CEP152: variants seen among roughly 807,000 people sequenced by gnomAD.
CEP152 encodes centrosomal protein of 152 kDa.
In CEP152, 132 loss-of-function variants were observed where a neutral mutation model predicts 188.9. The observed-to-expected ratio is 0.70, with a 90% CI of 0.61 to 0.81. The LOEUF (loss-of-function observed/expected upper bound fraction) is 0.81. Among genes scored for constraint, CEP152 ranks in the 30% least tolerant of loss-of-function variants. The pLI, the probability that CEP152 is intolerant of heterozygous loss-of-function variation, is 0.00. For missense variants in CEP152, 1,914 were observed against 1,969.8 expected, an observed-to-expected ratio of 0.97 and a Z score of 0.54; for synonymous variants, 649 against 666.6, an observed-to-expected ratio of 0.97 and a Z score of 0.41.
In CEP152 at chr15:48,805,583, C is replaced by T; in HGVS notation, c.67G>A (p.Asp23Asn). The change falls in exon 2 of 27, where the codon GAC (aspartate) becomes AAC (asparagine). Residue 23 changes from aspartate (D) to asparagine (N), a missense_variant. Transcript: ENST00000380950. ...CTTACCTCTTTCTCTCTTTCATAGT[C>T]CTCTTCGTCATACTCTTCATCTTCA... ...QNEDEEYDEE[D>N]YEREKELQQL... is the part of the protein sequence containing the mutation. 1 of 1,591,620 alleles carries T rather than the reference C, an allele frequency of 6.3e-7. No homozygotes were observed. Among genetic ancestry groups the T allele is most frequent in the South Asian group, 1.1e-5 (1 of 90,366 alleles).
rs765361987 is a variant in CEP152, at chr15:48,781,229, T to C, written c.1544A>G (p.Lys515Arg). The stretch of plus-strand genomic sequence containing the variant: ...TTTGGATTTTTTCCAGTTGACCTTT[T>C]TAATACCCAAATCCACATACGATTC... ...LTESYVDLGI[K>R]KVNWKKSKVT... Residue 515 changes from lysine (K) to arginine (R), a missense_variant, in exon 12 of 27, where the codon AAA becomes AGA. Transcript: ENST00000380950. 3.7e-6 allele frequency: 6 copies of C among 1,613,502 alleles called. No homozygotes were observed. Among genetic ancestry groups the C allele is most frequent in the Admixed American group, 1.7e-5 (1 of 59,996 alleles).
At chr15:48,740,956 A>C in intron 26 of CEP152, 6 of 838,204 alleles carry the variant, frequency 7.2e-6, no homozygotes, top group South Asian at 5.5e-5. Context: ...CATATCCCCT[A>C]GGCCCTCTAT....
chr15:48,744,200 A>C (rs773312803), intron 24 of CEP152, 40 bp downstream of exon 24: 34 of 1,608,700 alleles, frequency 2.1e-5, no homozygotes, highest in Non-Finnish European at 2.8e-5. Flanking sequence ...ATAATAAAAA[A>C]GGCCCAAGCC....
intron 9 of CEP152, among the ~76,000 whole-genome samples, chr15:48,786,313 C>T (rs1328728234): frequency 6.6e-6 from 1 of 151,870 alleles, no homozygotes; most frequent in Admixed American, 6.6e-5. Context: ...ATTGGAGGAA[C>T]ACTATGAGCT....
intron 1 of CEP152, chr15:48,810,086 C>G (rs936014729): frequency 2.0e-5 from 3 of 152,190 alleles, no homozygotes; most frequent in African/African-American, 7.2e-5. Context: ...TTCATTGTCA[C>G]GCACTATGAA....
intron 12 of CEP152, chr15:48,773,124 G>A: frequency 6.2e-6 from 1 of 161,642 alleles, no homozygotes; most frequent in Non-Finnish European, 1.4e-5. Flanking sequence ...ACACAAGTCT[G>A]GGTGAATATC....
rs1893628599 is a variant in CEP152, at chr15:48,748,484, T to C, written c.3593A>G (p.His1198Arg). ...KLEKCCRHLQHLERKHKAVVE... is the reference protein window; with the variant it reads ...KLEKCCRHLQRLERKHKAVVE... ...TACAGCTTTGTGCTTCCTTTCTAAA[T>C]GCTGAAGATGCCTACAGCATTTCTC... is the stretch of plus-strand genomic sequence containing the variant. Residue 1198 changes from histidine to arginine, a missense_variant, in exon 22 of 27, where the codon CAT becomes CGT. By Grantham distance (29) the His-to-Arg change is conservative. Coordinates refer to ENST00000380950, the MANE Select transcript of CEP152 (RefSeq NM_001194998.2). 1 of 1,534,790 alleles carries C rather than the reference T, an allele frequency of 6.5e-7. No individual in the cohort carries two copies. The highest frequency in any genetic ancestry group is 2.4e-5 in the East Asian group (1 of 40,874).
At chr15:48,747,037 A>G (rs1893492339) in intron 22 of CEP152, among the ~76,000 whole-genome samples, 1 of 152,180 alleles carries the variant, frequency 6.6e-6, no homozygotes, top group Non-Finnish European at 1.5e-5. Flanking sequence ...CTGGATCAAG[A>G]ACTTTTCAAA....
chr15:48,775,029 G>T (rs1296980421), intron 12 of CEP152, among the ~76,000 whole-genome samples: 1 of 151,774 alleles, frequency 6.6e-6, no homozygotes, highest in Non-Finnish European at 1.5e-5. Flanking sequence ...CACTAGATAG[G>T]CTCAATAGAG....
At chr15:48,731,822 C>G (rs886352484) in intron 2 of CEP152, among the ~76,000 whole-genome samples, 1 of 152,148 alleles carries the variant, frequency 6.6e-6, no homozygotes, top group Non-Finnish European at 1.5e-5. Flanking sequence ...TTACAAGGAA[C>G]TTAAACAACC....
chr15:48,808,972 C>G (rs1383881878), intron 1 of CEP152, among the ~76,000 whole-genome samples: 1 of 152,000 alleles, frequency 6.6e-6, no homozygotes, highest in African/African-American at 2.4e-5. Flanking sequence ...TTTTCTGAAC[C>G]CTTAACAAGA....
At position 48,738,564 on chromosome 15, in the gene CEP152, AACAGATTC is replaced by A; in HGVS notation, c.4810_4817del (p.Glu1604Ter). The A allele has an allele frequency of 6.2e-7, 1 of 1,614,212 alleles. No homozygotes were observed. The highest frequency in any genetic ancestry group is 8.5e-7 in the Non-Finnish European group (1 of 1,180,024). ...CGGATGGTGAAAACTGTTTGGATTT[AACAGATTC>A]ACTTGGTATTTCCAAAGTTCCTTGT... On this transcript the variant is annotated frameshift_variant, in exon 27 of 27. Coordinates refer to ENST00000380950, the MANE Select transcript of CEP152 (RefSeq NM_001194998.2). LOFTEE classifies it low-confidence loss of function (END_TRUNC).
At chr15:48,772,415 A>G in intron 13 of CEP152, 72 bp downstream of exon 13, 6 of 1,371,714 alleles carry the variant, frequency 4.4e-6, no homozygotes, top group Non-Finnish European at 5.1e-6. Context: ...TGTCTCAAAA[A>G]AAAAAAAGTG....
chr15:48,730,533 G>T (rs1892387757), intron 2 of CEP152, among the ~76,000 whole-genome samples: 1 of 152,138 alleles, frequency 6.6e-6, no homozygotes, highest in Admixed American at 6.5e-5. Flanking sequence ...AACTAATGAG[G>T]ATGTGCACAT....
intron 9 of CEP152, among the ~76,000 whole-genome samples, chr15:48,788,351 G>GTT (rs1567019763): frequency 7.3e-6 from 1 of 137,518 alleles, no homozygotes; most frequent in Non-Finnish European, 1.5e-5. Flanking sequence ...TTTTTTTTGG[G>GTT]GAGACGGAGT....
rs1001377732 is a variant in CEP152, at chr15:48,797,883, C to A, written c.191+65G>T. On this transcript the variant is annotated intron_variant, in intron 3 of 26. Transcript: ENST00000380950. ...ATTTTATAATCATGTAATTATTAAT[C>A]TTCATCAAAAGAAAAAGACTTATAG... is the stretch of plus-strand genomic sequence containing the variant. 5.3e-6 allele frequency: 8 copies of A among 1,497,604 alleles called. No individual in the cohort carries two copies. In the South Asian group the frequency reaches 7.0e-5, roughly 13 times the overall value. The allele number at this position is 1,497,604 out of a possible 1,614,324, so 92.8% of individuals were successfully genotyped here. A position where few individuals can be genotyped will look rare whatever the true frequency, so the allele number is the denominator to read the frequency against.
chr15:48,729,291 T>G (rs1861098556), intron 2 of CEP152: 1 of 152,238 alleles, frequency 6.6e-6, no homozygotes, highest in South Asian at 2.1e-4. Context: ...ATCTCAACAC[T>G]TTCGAAGGCT....
At chr15:48,748,327 T>C in intron 22 of CEP152, 116 bp downstream of exon 22, 1 of 1,298,312 alleles carries the variant, frequency 7.7e-7, no homozygotes, top group Non-Finnish European at 9.8e-7. Context: ...TCCAAATTAG[T>C]TTATATTAAT....
At position 48,799,275 on chromosome 15, in the gene CEP152, T is replaced by A. The variant is rs1479341330; in HGVS notation, c.88-1224A>T. On this transcript the variant is annotated intron_variant, in intron 2 of 26. Transcript: ENST00000380950. ...ACATATCTGAGTATTATATTAAGAATTACCAAAAAAAAAAGTTTCTTAAAC... is the reference window on the plus strand; with the variant it reads ...ACATATCTGAGTATTATATTAAGAAATACCAAAAAAAAAAGTTTCTTAAAC... Among the ~76,000 whole-genome samples the A allele has an allele frequency of 2.6e-5, 4 of 151,944 alleles. No homozygotes were observed. In the East Asian group the frequency reaches 7.7e-4, roughly 29 times the overall value.
Sources: allele counts gnomAD v4.1 joint callset (sites outside exome capture counted in the v4.1 genomes callset), GRCh38; gene constraint gnomAD v4.1.1; transcripts MANE v1.5; gene names NCBI Gene and HGNC (gene_info 2026-07-23, HGNC 2026-07-21).